CLPB: variants seen among roughly 807,000 people sequenced by gnomAD.
CLPB encodes ClpB family mitochondrial disaggregase, also known as mitochondrial disaggregase.
A neutral mutation model predicts 78.4 loss-of-function variants in CLPB; 40 were observed. That is an observed-to-expected ratio of 0.51 (90% confidence interval 0.40 to 0.66). The LOEUF is 0.66. CLPB is among the 30% of genes least tolerant of loss of function. The pLI, the probability that CLPB is intolerant of heterozygous loss-of-function variation, is 0.00. For synonymous variants in CLPB, 333 were observed against 348.0 expected, an observed-to-expected ratio of 0.96 and a Z score of 0.48; for missense variants, 780 against 886.9, an observed-to-expected ratio of 0.88 and a Z score of 1.53.
chr11:72,427,466 T>C (rs1480470796), intron 2 of CLPB, among the ~76,000 whole-genome samples: 3 of 152,218 alleles, frequency 2.0e-5, no homozygotes, highest in Non-Finnish European at 4.4e-5. Flanking sequence ...TTGTTAACGA[T>C]AGACTGCATG....
At chr11:72,298,023 T>C (rs1301383942) in intron 11 of CLPB, among the ~76,000 whole-genome samples, 1 of 152,236 alleles carries the variant, frequency 6.6e-6, no homozygotes, top group East Asian at 1.9e-4. Context: ...AACCAGAGCG[T>C]GCACATCTTG....
At chr11:72,412,628 C>G (rs990637058) in intron 2 of CLPB, among the ~76,000 whole-genome samples, 2 of 152,216 alleles carry the variant, frequency 1.3e-5, no homozygotes, top group Non-Finnish European at 2.9e-5. Context: ...GCAGATCACA[C>G]TACCCTCTCT....
intron 5 of CLPB, among the ~76,000 whole-genome samples, chr11:72,331,080 A>T (rs1950216653): frequency 6.6e-6 from 1 of 151,970 alleles, no homozygotes; most frequent in Non-Finnish European, 1.5e-5. Context: ...AATTTTAATT[A>T]AAAATTTTTA....
chr11:72,375,425 G>A (rs1449905766), intron 4 of CLPB, among the ~76,000 whole-genome samples: 1 of 152,098 alleles, frequency 6.6e-6, no homozygotes, highest in Non-Finnish European at 1.5e-5. Context: ...GCAGCAGATG[G>A]TTCCACCTGC....
intron 4 of CLPB, 24 bp from the exon 5 acceptor site, chr11:72,359,032 C>A (rs1950782226): frequency 3.7e-6 from 6 of 1,612,294 alleles, no homozygotes; most frequent in Non-Finnish European, 5.1e-6. Context: ...AACACAAACC[C>A]TTCCATTAGC....
rs142597997 is a variant in CLPB at position 72,428,018 on chromosome 11, A to G, written c.455+2294T>C. Among the ~76,000 whole-genome samples, 317 of 152,312 alleles carry G rather than the reference A, an allele frequency of 2.1e-3. 2 individuals carry two copies. Among genetic ancestry groups the G allele is most frequent in the African/African-American group, 7.3e-3 (303 of 41,552 alleles). ...AAGTTTCCTTCTAGCAAGGATGGTC[A>G]GGCTCCCTTTACCCCCACTGCCCCC... On this transcript the variant is annotated intron_variant, in intron 2 of 15. Coordinates refer to ENST00000538039, the MANE Select transcript of CLPB (RefSeq NM_001258392.3).
intron 3 of CLPB, among the ~76,000 whole-genome samples, chr11:72,382,941 A>C (rs1854960276): frequency 6.6e-6 from 1 of 152,060 alleles, no homozygotes; most frequent in African/African-American, 2.4e-5. Flanking sequence ...AAACATTAAG[A>C]AAATATAGAG....
intron 5 of CLPB, among the ~76,000 whole-genome samples, chr11:72,336,280 C>T (rs912752491): frequency 6.6e-6 from 1 of 152,120 alleles, no homozygotes; most frequent in Non-Finnish European, 1.5e-5. Context: ...ATAAATGTGT[C>T]GGCCTATTAT....
At chr11:72,386,996 C>A (rs1231895368) in intron 3 of CLPB, among the ~76,000 whole-genome samples, 3 of 152,152 alleles carry the variant, frequency 2.0e-5, no homozygotes, top group African/African-American at 7.2e-5. Flanking sequence ...ACTGAAAGCA[C>A]TGCAAAACAA....
At chr11:72,383,788 C>T (rs1456488333) in intron 3 of CLPB, among the ~76,000 whole-genome samples, 1 of 152,022 alleles carries the variant, frequency 6.6e-6, no homozygotes, top group Non-Finnish European at 1.5e-5. Flanking sequence ...GAAATAAAAG[C>T]TGAGGGAGTT....
chr11:72,303,532 C>G (rs1949696241), intron 9 of CLPB, among the ~76,000 whole-genome samples: 1 of 152,184 alleles, frequency 6.6e-6, no homozygotes, highest in Non-Finnish European at 1.5e-5. Context: ...CCTTTTTGAG[C>G]TGCAGTTTTG....
intron 6 of CLPB, among the ~76,000 whole-genome samples, chr11:72,324,485 G>T (rs1950097954): frequency 6.6e-6 from 1 of 152,102 alleles, no homozygotes; most frequent in African/African-American, 2.4e-5. Context: ...AGAATCGCTT[G>T]AATCTGGAAG....
In CLPB at chr11:72,301,830, G is replaced by A; in HGVS notation, c.1302C>T (p.Leu434=). 3 of 1,614,162 alleles carry A rather than the reference G, an allele frequency of 1.9e-6. No individual in the cohort carries two copies. Among genetic ancestry groups the A allele is most frequent in the South Asian group, 1.1e-5 (1 of 91,072 alleles). Residue 434 remains leucine, a synonymous_variant, in exon 11 of 16, where the codon CTC becomes CTT. Coordinates refer to ENST00000538039, the MANE Select transcript of CLPB (RefSeq NM_001258392.3). ...DEVDKAHPDV[L]TIMLQLFDEG... is the part of the protein sequence containing the mutation. ...CATCAAACAGCTGCAGCATGATGGT[G>A]AGCACATCTGGATGGGCCTTGTCTA...
intron 5 of CLPB, 22 bp downstream of exon 5, chr11:72,358,858 C>T: frequency 6.2e-6 from 9 of 1,449,154 alleles, no homozygotes; most frequent in South Asian, 1.4e-5. Flanking sequence ...CCACCCCACC[C>T]CTCCTCCACC....
At position 72,358,907 on chromosome 11, in the gene CLPB, G is replaced by C. The variant is rs146762466; in HGVS notation, c.748C>G (p.Arg250Gly). 483 of 1,605,136 alleles carry C rather than the reference G, an allele frequency of 3.0e-4. 1 individual carries two copies. Among genetic ancestry groups the C allele is most frequent in the Non-Finnish European group, 4.0e-4 (465 of 1,175,878 alleles). The change falls in exon 5 of 16, where the codon CGC becomes GGC. Residue 250 changes from arginine to glycine, a missense_variant. By Grantham distance (125) the Arg-to-Gly change is moderately radical. Transcript: ENST00000538039. ...LHYAVLADDY[R>G]TVKELLDGGA... ...CCATCAAGCAGCTCCTTGACAGTGC[G>C]GTAGTCATCAGCAAGAACAGCATAG...
intron 2 of CLPB, among the ~76,000 whole-genome samples, chr11:72,414,231 C>T (rs1855956391): frequency 6.6e-6 from 1 of 152,184 alleles, no homozygotes; most frequent in Admixed American, 6.5e-5. Context: ...GCACCTTCAT[C>T]TGGGTACCCC....
intron 4 of CLPB, among the ~76,000 whole-genome samples, chr11:72,360,504 C>T (rs542621150): frequency 4.5e-4 from 68 of 152,024 alleles, no homozygotes; most frequent in African/African-American, 1.5e-3. Flanking sequence ...GGCAGTGGCG[C>T]GATCTGGCTC....
chr11:72,341,957 A>AAC, intron 5 of CLPB, among the ~76,000 whole-genome samples: 1 of 152,182 alleles, frequency 6.6e-6, no homozygotes, highest in Admixed American at 6.5e-5. Context: ...AGTCCAGGTG[A>AAC]GAGTGATGAA....
At chr11:72,328,709 C>T (rs1053253296) in intron 6 of CLPB, among the ~76,000 whole-genome samples, 1 of 152,226 alleles carries the variant, frequency 6.6e-6, no homozygotes, top group African/African-American at 2.4e-5. Context: ...CCAGGTCTTC[C>T]AGTCCCCGTC....
Sources: gnomAD v4.1 joint callset for allele counts (sites outside exome capture counted in the v4.1 genomes callset) on GRCh38, gnomAD v4.1.1 for gene constraint, MANE v1.5 for transcripts, NCBI Gene and HGNC (gene_info 2026-07-23, HGNC 2026-07-21) for gene names.